Variants in EXOC2 observed in about 807,000 individuals in gnomAD.
The protein encoded by EXOC2 is exocyst complex component 2.
Under a neutral mutation model 131.8 loss-of-function variants are expected in EXOC2, and 70 were observed. The observed-to-expected ratio is 0.53, with a 90% confidence interval of 0.44 to 0.65. EXOC2 has a LOEUF of 0.65. Ranked by LOEUF, EXOC2 falls within the 30% of genes least tolerant of loss-of-function variation. The pLI, the probability that EXOC2 is intolerant of heterozygous loss-of-function variation, is 0.00. For synonymous variants in EXOC2, 411 were observed against 398.4 expected (o/e 1.03, Z -0.38); for missense variants, 923 against 1,108.6 (o/e 0.83, Z 2.38).
chr6:632,842 G>A, intron 3 of EXOC2, 99 bp downstream of exon 3: 1 of 1,128,744 alleles, frequency 8.9e-7, no homozygotes, highest in Non-Finnish European at 1.3e-6. Flanking sequence ...GTTGAGATAT[G>A]CAAGTAGGTA....
At chr6:616,519 C>T (rs1215795692) in intron 6 of EXOC2, among the ~76,000 whole-genome samples, 3 of 139,682 alleles carry the variant, frequency 2.1e-5, no homozygotes, top group South Asian at 2.5e-4. Context: ...AGGAGAATGG[C>T]GTGAACCCGG....
At chr6:595,130 T>C (rs1269729280) in intron 10 of EXOC2, among the ~76,000 whole-genome samples, 1 of 151,850 alleles carries the variant, frequency 6.6e-6, no homozygotes, top group Non-Finnish European at 1.5e-5. Context: ...AAGATAGAAA[T>C]AAGGAGAGGG....
At chr6:576,932 T>A (rs1758619691) in intron 11 of EXOC2, 50 bp from the exon 12 acceptor site, 1 of 1,549,658 alleles carries the variant, frequency 6.5e-7, no homozygotes, top group Non-Finnish European at 8.7e-7. Context: ...CTCTATATAC[T>A]CTTGCTTAGT....
intron 1 of EXOC2, among the ~76,000 whole-genome samples, chr6:665,196 TA>T (rs1185632960): frequency 2.6e-5 from 4 of 152,204 alleles, no homozygotes; most frequent in Non-Finnish European, 1.5e-5. Context: ...TCAGCATCAC[TA>T]ATGATCAGGG....
chr6:514,565 A>G (rs1049714604), intron 23 of EXOC2, among the ~76,000 whole-genome samples: 4 of 152,186 alleles, frequency 2.6e-5, no homozygotes, highest in Non-Finnish European at 4.4e-5. Context: ...CCACTTTCCC[A>G]TGCTCTGAGC....
intron 22 of EXOC2, among the ~76,000 whole-genome samples, chr6:546,884 CA>C (rs1756894027): frequency 6.6e-6 from 1 of 152,226 alleles, no homozygotes; most frequent in Non-Finnish European, 1.5e-5. Context: ...TTCGACTGCA[CA>C]GGGGGTTGGC....
chr6:571,596 G>A lies in EXOC2; in HGVS notation c.1443+924C>T, dbSNP rs1258066201. Among the ~76,000 whole-genome samples the A allele has an allele frequency of 3.3e-5, 5 of 152,176 alleles. No individual in the cohort carries two copies. The East Asian group carries it at 9.6e-4, about 29-fold the overall frequency. ...TAGCCACTTTCCGCCAAGGAGGAGA[G>A]GTTTAAACCACAAAGGCTGTGCCTT... On this transcript the variant is annotated intron_variant, in intron 13 of 27. Transcript: ENST00000230449.
chr6:561,965 T>C (rs1421712640), intron 17 of EXOC2, among the ~76,000 whole-genome samples: 1 of 152,154 alleles, frequency 6.6e-6, no homozygotes, highest in Non-Finnish European at 1.5e-5. Context: ...GGGACAGGCA[T>C]GGAATGTGTT....
intron 25 of EXOC2, 111 bp from the exon 26 acceptor site, chr6:491,297 T>TAATACCACCATGGTGACCGC: frequency 9.5e-7 from 1 of 1,053,110 alleles, no homozygotes; most frequent in Admixed American, 1.8e-5. Context: ...GGGGTTGGCG[T>TAATACCACCATGGTGACCGC]AATACCACCA....
At chr6:596,969 G>A (rs1759852481) in intron 10 of EXOC2, among the ~76,000 whole-genome samples, 2 of 152,128 alleles carry the variant, frequency 1.3e-5, no homozygotes, top group African/African-American at 4.8e-5. Context: ...GCCGGGTGAG[G>A]TATTAAACCC....
chr6:599,373 G>T, intron 7 of EXOC2, 148 bp from the exon 8 acceptor site: 1 of 731,080 alleles, frequency 1.4e-6, no homozygotes. Context: ...GATCTTTTAT[G>T]GTTTGCTAAA....
intron 25 of EXOC2, among the ~76,000 whole-genome samples, chr6:496,147 A>C (rs1410316358): frequency 6.6e-6 from 1 of 152,130 alleles, no homozygotes; most frequent in African/African-American, 2.4e-5. Flanking sequence ...GCTGTGTTAA[A>C]ATCCTTGTCT....
In EXOC2 at chr6:549,261, AAT is replaced by A. The variant is rs1757022835; in HGVS notation, c.2150_2151del (p.Asn717MetfsTer17). 1 of 1,614,100 alleles carries A rather than the reference AAT, an allele frequency of 6.2e-7. No homozygotes were observed. The highest frequency in any genetic ancestry group is 8.5e-7 in the Non-Finnish European group (1 of 1,180,016). On this transcript the variant is annotated frameshift_variant, in exon 22 of 28. Coordinates refer to ENST00000230449, the MANE Select transcript of EXOC2 (RefSeq NM_018303.6). LOFTEE classifies it high-confidence loss of function. Reference protein sequence around the residue: ...SEQRLLIVLSNCCYLERHTFL... With the variant: ...SEQRLLIVLSXCCYLERHTFL... ...AAGGTGTGACGTTCTAGATAGCAGC[AAT>A]TACTTAGGACTATCAAAAGGCGCTG...
chr6:682,116 C>T (rs930971383), intron 1 of EXOC2, among the ~76,000 whole-genome samples: 1 of 152,150 alleles, frequency 6.6e-6, no homozygotes, highest in Non-Finnish European at 1.5e-5. Context: ...GTGCTGGTGA[C>T]TAACAGCCAG....
At chr6:570,517 T>C (rs940432801) in intron 13 of EXOC2, among the ~76,000 whole-genome samples, 2 of 152,214 alleles carry the variant, frequency 1.3e-5, no homozygotes, top group Non-Finnish European at 2.9e-5. Context: ...CAGTCTACTA[T>C]TTTCTAATGT....
At chr6:654,576 G>A (rs1762974397) in intron 1 of EXOC2, among the ~76,000 whole-genome samples, 1 of 151,792 alleles carries the variant, frequency 6.6e-6, no homozygotes, top group African/African-American at 2.4e-5. Context: ...AAGGCGGGAG[G>A]ATTGCTTGAG....
intron 1 of EXOC2, among the ~76,000 whole-genome samples, chr6:649,047 T>C (rs1363246460): frequency 2.0e-5 from 3 of 152,152 alleles, no homozygotes; most frequent in Non-Finnish European, 4.4e-5. Flanking sequence ...GGAGCCTCGT[T>C]GTGTTTCCCA....
intron 27 of EXOC2, among the ~76,000 whole-genome samples, chr6:488,124 C>T (rs1025052354): frequency 4.6e-5 from 7 of 152,132 alleles, no homozygotes; most frequent in Non-Finnish European, 7.4e-5. Flanking sequence ...CGGGGCGGGG[C>T]GGCGATGCCC....
intron 27 of EXOC2, among the ~76,000 whole-genome samples, chr6:487,067 C>T (rs995090122): frequency 6.6e-6 from 1 of 152,210 alleles, no homozygotes; most frequent in African/African-American, 2.4e-5. Flanking sequence ...AGAAATTCAA[C>T]TCTAAAATAA....
Sources: allele counts gnomAD v4.1 joint callset (sites outside exome capture counted in the v4.1 genomes callset), GRCh38; gene constraint gnomAD v4.1.1; transcripts MANE v1.5; gene names NCBI Gene and HGNC (gene_info 2026-07-23, HGNC 2026-07-21).